The following ANKS1A variants were observed in gnomAD, a reference collection of about 807,000 sequenced individuals.
ANKS1A encodes the protein ankyrin repeat and sterile alpha motif domain containing 1A.
Under a neutral mutation model 120.3 loss-of-function variants are expected in ANKS1A, and 55 were observed. The ratio of observed to expected loss-of-function variants is 0.46; its 90% CI spans 0.37 to 0.57. The LOEUF (loss-of-function observed/expected upper bound fraction) is 0.57, where lower values mean the gene tolerates loss of function less well. Ranked by LOEUF, ANKS1A falls within the 20% of genes least tolerant of loss-of-function variation. The probability of loss-of-function intolerance (pLI) is 0.00; values close to 1 mark genes in which losing one functional copy is unlikely to be tolerated. For synonymous variants in ANKS1A, 590 were observed against 604.7 expected (o/e 0.98, Z 0.36); for missense variants, 1,123 against 1,480.3 (o/e 0.76, Z 3.96).
intron 10 of ANKS1A, among the ~76,000 whole-genome samples, chr6:35,001,544 G>A (rs1259767368): frequency 6.6e-6 from 1 of 152,218 alleles, no homozygotes; most frequent in South Asian, 2.1e-4. Context: ...AGCACCCTGC[G>A]GGGCAGCCCC....
At chr6:35,012,640 G>A (rs978110457) in intron 10 of ANKS1A, among the ~76,000 whole-genome samples, 4 of 152,180 alleles carry the variant, frequency 2.6e-5, no homozygotes, top group Admixed American at 1.3e-4. Context: ...AAATGTTGAA[G>A]TGTTATTATT....
At chr6:35,008,650 C>T (rs2127551056) in intron 10 of ANKS1A, among the ~76,000 whole-genome samples, 1 of 152,324 alleles carries the variant, frequency 6.6e-6, no homozygotes, top group Middle Eastern at 3.4e-3. Flanking sequence ...ATGAACTGTG[C>T]TTCTAAGTTT....
In ANKS1A at chr6:35,078,384, C is replaced by A. The variant is rs369692956; in HGVS notation, c.2185-174C>A. On this transcript the variant is annotated intron_variant, in intron 13 of 23. Transcript: ENST00000360359. Reference sequence around the variant, plus strand: ...TGGAGCCCCAGCTCTGCCTAGCTCCCCTGGGAGCCGCCCGGATGGACGTGG... The same window carrying A: ...TGGAGCCCCAGCTCTGCCTAGCTCCACTGGGAGCCGCCCGGATGGACGTGG... Among the ~76,000 whole-genome samples, 6 of 152,272 alleles carry A rather than the reference C, an allele frequency of 3.9e-5. No homozygotes were observed. In the East Asian group the frequency reaches 5.8e-4, roughly 15 times the overall value.
At chr6:35,066,993 T>G (rs1396613001) in intron 13 of ANKS1A, among the ~76,000 whole-genome samples, 1 of 152,072 alleles carries the variant, frequency 6.6e-6, no homozygotes, top group Non-Finnish European at 1.5e-5. Context: ...CACTCTTGTT[T>G]AGCAGGTCCT....
chr6:34,977,965 C>CTT (rs552179165), intron 3 of ANKS1A, among the ~76,000 whole-genome samples: 1 of 145,800 alleles, frequency 6.9e-6, no homozygotes. Context: ...TTCTTTCTTC[C>CTT]TTTTTTTTTT....
rs1774103061 is a variant in ANKS1A, at chr6:35,017,698, A to G, written c.1649A>G (p.His550Arg). 5.0e-6 allele frequency: 8 copies of G among 1,613,902 alleles called. No individual in the cohort carries two copies. The highest frequency in any genetic ancestry group is 2.2e-5 in the East Asian group (1 of 44,884). ...ATGCAGCTGGAGGAGACGGGTGTGC[A>G]TGCTCCTGGAGCCTCCCAGCCCAGT... Reference protein sequence around the residue: ...ASMQLEETGVHAPGASQPSAL... With the variant: ...ASMQLEETGVRAPGASQPSAL... Residue 550 changes from histidine (H) to arginine (R), a missense_variant, in exon 11 of 24, where the codon CAT (histidine) becomes CGT (arginine). Physicochemically the swap from His to Arg is conservative, Grantham distance 29. Transcript: ENST00000360359.
At chr6:34,979,378 A>G (rs536987092) in intron 3 of ANKS1A, among the ~76,000 whole-genome samples, 1 of 152,322 alleles carries the variant, frequency 6.6e-6, no homozygotes, top group South Asian at 2.1e-4. Flanking sequence ...TATTACAGTT[A>G]CCAGACCATG....
intron 1 of ANKS1A, among the ~76,000 whole-genome samples, chr6:34,938,375 G>T (rs1013090283): frequency 6.6e-6 from 1 of 152,164 alleles, no homozygotes; most frequent in African/African-American, 2.4e-5. Context: ...GAGTGAAATT[G>T]CTCTGTAGAA....
chr6:35,056,778 C>T (rs1042084184), intron 12 of ANKS1A, among the ~76,000 whole-genome samples: 10 of 152,260 alleles, frequency 6.6e-5, no homozygotes, highest in South Asian at 2.1e-4. Flanking sequence ...GCGGGTTCAT[C>T]CACCCGGGCT....
At chr6:35,002,142 C>A (rs1442768425) in intron 10 of ANKS1A, among the ~76,000 whole-genome samples, 3 of 152,166 alleles carry the variant, frequency 2.0e-5, no homozygotes, top group Non-Finnish European at 4.4e-5. Flanking sequence ...AAGTTTGCAA[C>A]ACCCTAAACG....
At chr6:34,997,065 G>C (rs927822282) in intron 10 of ANKS1A, among the ~76,000 whole-genome samples, 1 of 152,052 alleles carries the variant, frequency 6.6e-6, no homozygotes, top group East Asian at 1.9e-4. Context: ...CCCCACACCC[G>C]GTTCTTAGTG....
intron 13 of ANKS1A, among the ~76,000 whole-genome samples, chr6:35,077,543 C>A (rs1777434476): frequency 1.3e-5 from 2 of 152,372 alleles, no homozygotes; most frequent in East Asian, 3.9e-4. Flanking sequence ...GCAGCTGCAA[C>A]TGCGAGGGCC....
At position 34,955,658 on chromosome 6, in the gene ANKS1A, C is replaced by G. The variant is rs553484758; in HGVS notation, c.198-11581C>G. Among the ~76,000 whole-genome samples the G allele has an allele frequency of 8.5e-5, 13 of 152,232 alleles. No individual in the cohort carries two copies. In the East Asian group the frequency reaches 2.5e-3, roughly 29 times the overall value. On this transcript the variant is annotated intron_variant, in intron 1 of 23. Transcript: ENST00000360359. ...ACCCCGTTTCCTGGATACCCATCTT[C>G]CTCTTTCTCGGTTTGCTCATTTGTT...
At position 35,089,481 on chromosome 6, in the gene ANKS1A, A is replaced by C. The variant is rs915686365; in HGVS notation, c.*872A>C. The C allele has an allele frequency of 1.0e-6, 1 of 986,496 alleles. No homozygotes were observed. Among genetic ancestry groups the C allele is most frequent in the African/African-American group, 1.7e-5 (1 of 57,244 alleles). 61.1% of individuals were successfully genotyped at this position (986,496 alleles called of 1,614,324 possible). On this transcript the variant is annotated 3_prime_UTR_variant, in exon 24 of 24. Coordinates refer to ENST00000360359, the MANE Select transcript of ANKS1A (RefSeq NM_015245.3). ...AAAAGCAGCTTTGTTTGGGGCATTA[A>C]TGCTTGGAGTGGGGTCAGCTAAGGT...
At chr6:34,944,473 T>C (rs1769687621) in intron 1 of ANKS1A, among the ~76,000 whole-genome samples, 1 of 152,222 alleles carries the variant, frequency 6.6e-6, no homozygotes, top group South Asian at 2.1e-4. Context: ...AGTGAGTGTC[T>C]TTTCATATGC....
chr6:34,926,475 C>T (rs1213729177), intron 1 of ANKS1A, among the ~76,000 whole-genome samples: 1 of 152,068 alleles, frequency 6.6e-6, no homozygotes, highest in Non-Finnish European at 1.5e-5. Flanking sequence ...TTTGGTGACC[C>T]CTTCTGACTT....
intron 11 of ANKS1A, among the ~76,000 whole-genome samples, chr6:35,032,755 A>G (rs9357193): frequency 0.13 from 19,194 of 152,122 alleles, 1,834 homozygotes; most frequent in East Asian, 0.56. Context: ...TCTTTCTCTA[A>G]TAATAAGGTA....
intron 1 of ANKS1A, among the ~76,000 whole-genome samples, chr6:34,944,726 T>G (rs1036437096): frequency 3.9e-5 from 6 of 152,210 alleles, no homozygotes; most frequent in Non-Finnish European, 8.8e-5. Context: ...GTTTTCCATC[T>G]GCAAATACGG....
Position 35,038,466 on chromosome 6 carries a change from C to T in ANKS1A, c.2011-15633C>T, listed in dbSNP as rs184013891. Among the ~76,000 whole-genome samples, 4 of 152,182 alleles carry T rather than the reference C, an allele frequency of 2.6e-5. No individual in the cohort carries two copies. In the East Asian group the frequency reaches 7.7e-4, roughly 29 times the overall value. ...CAACCACCTTTATTCTGATTATGTT[C>T]ATTCTTTCCCTTTTTTTAATTTTAT... On this transcript the variant is annotated intron_variant, in intron 11 of 23. Coordinates refer to ENST00000360359, the MANE Select transcript of ANKS1A (RefSeq NM_015245.3).
Sources: gnomAD v4.1 joint callset for allele counts (sites outside exome capture counted in the v4.1 genomes callset) on GRCh38, gnomAD v4.1.1 for gene constraint, MANE v1.5 for transcripts, NCBI Gene and HGNC (gene_info 2026-07-23, HGNC 2026-07-21) for gene names.